The following TMPRSS5 variants were observed in gnomAD, a reference collection of about 807,000 sequenced individuals.
TMPRSS5 encodes the protein transmembrane protease serine 5.
In TMPRSS5, 45 loss-of-function variants were observed where a neutral mutation model predicts 59.7. That is an observed-to-expected ratio of 0.75 (90% confidence interval 0.59 to 0.97). TMPRSS5 has a LOEUF of 0.97. Ranked by LOEUF, TMPRSS5 falls within the 50% of genes least tolerant of loss-of-function variation. The pLI is 0.00. For missense variants in TMPRSS5, 585 were observed against 596.7 expected (o/e 0.98, Z 0.20); for synonymous variants, 225 against 232.0 (o/e 0.97, Z 0.27).
At chr11:113,693,363 C>T in intron 8 of TMPRSS5, 114 bp from the exon 9 acceptor site, 2 of 1,215,916 alleles carry the variant, frequency 1.6e-6, no homozygotes, top group Non-Finnish European at 2.2e-6. Context: ...GGGCCGTCAG[C>T]AGGCGGTGAG....
intron 1 of TMPRSS5, among the ~76,000 whole-genome samples, chr11:113,701,674 C>G (rs1035386419): frequency 9.2e-5 from 14 of 152,128 alleles, no homozygotes; most frequent in African/African-American, 3.4e-4. Flanking sequence ...TAACTCCTCC[C>G]CAACTCACAG....
chr11:113,698,670 G>A (rs1952995577), intron 4 of TMPRSS5, among the ~76,000 whole-genome samples: 1 of 152,192 alleles, frequency 6.6e-6, no homozygotes, highest in Non-Finnish European at 1.5e-5. Flanking sequence ...CCTCCTGCCA[G>A]CCTGGTCTCC....
rs1952957963 is a variant in TMPRSS5 at position 113,697,328 on chromosome 11, C to A, written c.419G>T (p.Ser140Ile). ...GCAGATCTGCAGCCCCAGGGCGGGG[C>A]TCCAGCCCTCATGGCAGACCAGGAG... ...RWLLVCHEGW[S>I]PALGLQICWS... Residue 140 changes from serine to isoleucine, a missense_variant, in exon 5 of 13, where the codon AGC becomes ATC. Ser to Ile is a moderately radical substitution (Grantham distance 142, BLOSUM62 -2). Coordinates refer to ENST00000299882, the MANE Select transcript of TMPRSS5 (RefSeq NM_030770.4). 1 of 1,613,634 alleles carries A rather than the reference C, an allele frequency of 6.2e-7. No homozygotes were observed. Among genetic ancestry groups the A allele is most frequent in the South Asian group, 1.1e-5 (1 of 91,076 alleles).
intron 10 of TMPRSS5, among the ~76,000 whole-genome samples, 193 bp downstream of exon 10, chr11:113,690,648 A>C (rs1268809097): frequency 6.6e-6 from 1 of 151,958 alleles, no homozygotes; most frequent in East Asian, 1.9e-4. Context: ...GTTTAGGGAA[A>C]ACTTGCAGTA....
rs778256301 is a variant in TMPRSS5 at position 113,698,894 on chromosome 11, G to A, written c.328+11C>T. ...GGGAGGGAGGCCCGTAGCCTTAGGG[G>A]TGCAGCCCACCTGTTTTGGGAAGTG... is the stretch of plus-strand genomic sequence containing the variant. On this transcript the variant is annotated intron_variant, in intron 4 of 12. Coordinates refer to ENST00000299882, the MANE Select transcript of TMPRSS5 (RefSeq NM_030770.4). 6.3e-6 allele frequency: 10 copies of A among 1,580,870 alleles called. No individual in the cohort carries two copies. The African/African-American group carries it at 1.2e-4, about 19-fold the overall frequency.
At position 113,693,162 on chromosome 11, in the gene TMPRSS5, C is replaced by T; in HGVS notation, c.873G>A (p.Val291=). ...AGAGGGGGTGTGGGATAATCCTCTC[C>T]ACCAGAGCCCCTTGGTGGGGCCTGA... ...SAVRPHQGAL[V]ERIIPHPLYS... Residue 291 remains valine, a synonymous_variant, in exon 9 of 13, where the codon GTG becomes GTA. Coordinates refer to ENST00000299882, the MANE Select transcript of TMPRSS5 (RefSeq NM_030770.4). 6.2e-7 allele frequency: 1 copy of T among 1,602,538 alleles called. No homozygotes were observed. Among genetic ancestry groups the T allele is most frequent in the Non-Finnish European group, 8.5e-7 (1 of 1,174,816 alleles).
Position 113,694,557 on chromosome 11 carries a change from C to T in TMPRSS5, c.706G>A (p.Ala236Thr), listed in dbSNP as rs998269140. The T allele has an allele frequency of 1.3e-6, 2 of 1,551,840 alleles. No individual in the cohort carries two copies. The highest frequency in any genetic ancestry group is 1.7e-6 in the Non-Finnish European group (2 of 1,148,114). ...PGRWPWQASV[A>T]LGFRHTCGGS... ...CCACACGTGTGCCGGAAGCCCAGGGCCACGCTGGCCTGCCACGGCCAGCGC... is the reference window on the plus strand; with the variant it reads ...CCACACGTGTGCCGGAAGCCCAGGGTCACGCTGGCCTGCCACGGCCAGCGC... Residue 236 changes from alanine to threonine, a missense_variant, in exon 8 of 13, where the codon GCC becomes ACC. By Grantham distance (58) the Ala-to-Thr change is moderately conservative (BLOSUM62 0). Coordinates refer to ENST00000299882, the MANE Select transcript of TMPRSS5 (RefSeq NM_030770.4).
intron 12 of TMPRSS5, among the ~76,000 whole-genome samples, 157 bp downstream of exon 12, chr11:113,689,608 T>C (rs1353645862): frequency 1.3e-5 from 2 of 152,126 alleles, no homozygotes; most frequent in Non-Finnish European, 2.9e-5. Flanking sequence ...ATGGATTCCA[T>C]GTTTAAGCTT....
chr11:113,702,680 C>T (rs1239265451), intron 1 of TMPRSS5, among the ~76,000 whole-genome samples: 2 of 152,164 alleles, frequency 1.3e-5, no homozygotes, highest in African/African-American at 4.8e-5. Context: ...GTGGGCCAGG[C>T]CAGGACCCCC....
Position 113,697,434 on chromosome 11 carries a change from G to A in TMPRSS5, c.329-16C>T. Reference sequence around the variant, plus strand: ...CTGAAAGATACTGAAATCACAGCATGAAAACCACATGGGAGAGGATGGTGG... The same window carrying A: ...CTGAAAGATACTGAAATCACAGCATAAAAACCACATGGGAGAGGATGGTGG... On this transcript the variant is annotated splice_polypyrimidine_tract_variant and intron_variant, in intron 4 of 12. Coordinates refer to ENST00000299882, the MANE Select transcript of TMPRSS5 (RefSeq NM_030770.4). The A allele has an allele frequency of 6.2e-7, 1 of 1,612,898 alleles. No individual in the cohort carries two copies. Among genetic ancestry groups the A allele is most frequent in the Non-Finnish European group, 8.5e-7 (1 of 1,179,236 alleles).
At position 113,690,880 on chromosome 11, in the gene TMPRSS5, A is replaced by G. The variant is rs1952758913; in HGVS notation, c.1024T>C (p.Cys342Arg). The G allele has an allele frequency of 6.3e-7, 1 of 1,596,998 alleles. No individual in the cohort carries two copies. Among genetic ancestry groups the G allele is most frequent in the Non-Finnish European group, 8.5e-7 (1 of 1,172,598 alleles). Residue 342 changes from cysteine to arginine, a missense_variant, in exon 10 of 13, where the codon TGC becomes CGC. By Grantham distance (180) the Cys-to-Arg change is radical. Coordinates refer to ENST00000299882, the MANE Select transcript of TMPRSS5 (RefSeq NM_030770.4). ...GTGTGGCCCCAGCCAGACACCCAGC[A>G]CCGCGAGCCCTTCGGAAAATGCTGT... ...KEQHFPKGSRCWVSGWGHTHP... is the reference protein window; with the variant it reads ...KEQHFPKGSRRWVSGWGHTHP...
intron 9 of TMPRSS5, 67 bp downstream of exon 9, chr11:113,693,004 T>TC: frequency 8.0e-7 from 1 of 1,255,764 alleles, no homozygotes; most frequent in Non-Finnish European, 1.1e-6. Flanking sequence ...CTCACCACTC[T>TC]CCCACCCAGC....
At chr11:113,695,249 G>A in intron 7 of TMPRSS5, 151 bp downstream of exon 7, 1 of 771,732 alleles carries the variant, frequency 1.3e-6, no homozygotes, top group Non-Finnish European at 2.2e-6. Context: ...AACAGCAACT[G>A]CAAGAAGGGG....
intron 2 of TMPRSS5, 79 bp downstream of exon 2, chr11:113,699,987 A>C (rs1050401459): frequency 2.6e-6 from 4 of 1,548,924 alleles, no homozygotes; most frequent in African/African-American, 1.4e-5. Flanking sequence ...GCTGACCCCA[A>C]GGAGGATCCG....
chr11:113,695,319 C>T (rs542430359), intron 7 of TMPRSS5, 81 bp downstream of exon 7: 5 of 1,507,282 alleles, frequency 3.3e-6, no homozygotes, highest in Non-Finnish European at 3.7e-6. Context: ...AGAGTCTCAC[C>T]ATAGGGCTCT....
rs1565263625 is a variant in TMPRSS5, at chr11:113,699,256, TCTCTCTCTCTCTCTCC to T, written c.206-245_206-230del. On this transcript the variant is annotated intron_variant, in intron 3 of 12. Coordinates refer to ENST00000299882, the MANE Select transcript of TMPRSS5 (RefSeq NM_030770.4). ...CTCTCTCTCTCTCTCTCTCTCTCTCTCTCTCTCTCTCTCTCCCTCTCTCTCTCTCTCTCTCTGTCTC... is the reference window on the plus strand; with the variant it reads ...CTCTCTCTCTCTCTCTCTCTCTCTCTCTCTCTCTCTCTCTCTCTCTGTCTC... 3.2e-3 allele frequency among the ~76,000 whole-genome samples: 128 copies of T among 39,768 alleles called. 9 individuals are homozygous for T. The East Asian group carries it at 0.058, about 18-fold the overall frequency. The allele number at this position is 39,768 out of a possible 152,430, so 26.1% of individuals were successfully genotyped here. A position where few individuals can be genotyped will look rare whatever the true frequency, so the allele number is the denominator to read the frequency against.
At chr11:113,702,275 G>A (rs1000677045) in intron 1 of TMPRSS5, among the ~76,000 whole-genome samples, 4 of 152,164 alleles carry the variant, frequency 2.6e-5, no homozygotes, top group African/African-American at 4.8e-5. Context: ...TTTACAGTAA[G>A]ATGATTTATA....
chr11:113,699,077 A>G (rs1201078177), intron 3 of TMPRSS5, 50 bp from the exon 4 acceptor site: 3 of 1,587,882 alleles, frequency 1.9e-6, no homozygotes, highest in Non-Finnish European at 2.6e-6. Context: ...GGAAGGTGTC[A>G]AGGTGCTGAC....
At chr11:113,696,350 T>A (rs1374308397) in intron 6 of TMPRSS5, among the ~76,000 whole-genome samples, 1 of 152,122 alleles carries the variant, frequency 6.6e-6, no homozygotes, top group Non-Finnish European at 1.5e-5. Flanking sequence ...AAGGGGCTGC[T>A]CCATTCCACA....
Sources: allele counts gnomAD v4.1 joint callset (sites outside exome capture counted in the v4.1 genomes callset), GRCh38; gene constraint gnomAD v4.1.1; transcripts MANE v1.5; gene names NCBI Gene and HGNC (gene_info 2026-07-23, HGNC 2026-07-21).